Variants in PARD3 observed in about 807,000 individuals in gnomAD.
PARD3 encodes the protein partitioning defective 3 homolog.
PARD3 carries 75 observed loss-of-function variants against 155.4 expected under a neutral mutation model. The ratio of observed to expected loss-of-function variants is 0.48; its 90% confidence interval spans 0.40 to 0.58. The LOEUF (loss-of-function observed/expected upper bound fraction) is 0.58. Among genes scored for constraint, PARD3 ranks in the 20% least tolerant of loss-of-function variants. PARD3 has a pLI of 0.00. For synonymous variants in PARD3, 576 were observed against 610.5 expected, an observed-to-expected ratio of 0.94 and a Z score of 0.83; for missense variants, 1,642 against 1,721.7, an observed-to-expected ratio of 0.95 and a Z score of 0.82.
chr10:34,218,828 C>T (rs1487670124), intron 22 of PARD3, among the ~76,000 whole-genome samples: 1 of 151,594 alleles, frequency 6.6e-6, no homozygotes. Flanking sequence ...GGATGCAAAA[C>T]CAGAAAGAGG....
intron 22 of PARD3, among the ~76,000 whole-genome samples, chr10:34,151,222 T>C (rs1295168015): frequency 6.6e-6 from 1 of 152,028 alleles, no homozygotes; most frequent in Non-Finnish European, 1.5e-5. Context: ...CTGTGCAGGA[T>C]TTAGAAGTAA....
chr10:34,168,971 T>C (rs1331898601), intron 22 of PARD3, among the ~76,000 whole-genome samples: 2 of 152,204 alleles, frequency 1.3e-5, no homozygotes, highest in African/African-American at 4.8e-5. Context: ...TGTTGACAAA[T>C]AAAGAGCTCT....
At chr10:34,122,464 A>C (rs577878059) in intron 23 of PARD3, among the ~76,000 whole-genome samples, 1 of 152,356 alleles carries the variant, frequency 6.6e-6, no homozygotes, top group East Asian at 1.9e-4. Flanking sequence ...CATTATCAGC[A>C]TATGGGGTCT....
intron 24 of PARD3, among the ~76,000 whole-genome samples, chr10:34,115,556 T>G (rs1445345378): frequency 6.6e-6 from 1 of 152,154 alleles, no homozygotes; most frequent in Non-Finnish European, 1.5e-5. Flanking sequence ...TATTGTACAT[T>G]TCACAGCTGC....
intron 2 of PARD3, among the ~76,000 whole-genome samples, chr10:34,685,438 A>G (rs1446884895): frequency 6.6e-6 from 1 of 152,226 alleles, no homozygotes; most frequent in Non-Finnish European, 1.5e-5. Context: ...AGCAAAAAAC[A>G]GTACGCTGGT....
At chr10:34,812,433 C>T (rs186594516) in intron 1 of PARD3, among the ~76,000 whole-genome samples, 169 of 152,154 alleles carry the variant, frequency 1.1e-3, no homozygotes, top group African/African-American at 3.6e-3. Flanking sequence ...TTAGGCAATA[C>T]GGATAAGGAA....
intron 21 of PARD3, among the ~76,000 whole-genome samples, chr10:34,278,222 A>AT (rs935189471): frequency 4.0e-4 from 61 of 150,986 alleles, no homozygotes; most frequent in African/African-American, 1.4e-3. Context: ...AATTAAAAAA[A>AT]ATATTTTTAG....
intron 22 of PARD3, among the ~76,000 whole-genome samples, chr10:34,142,506 G>C (rs926348679): frequency 7.9e-5 from 12 of 151,800 alleles, no homozygotes; most frequent in African/African-American, 2.9e-4. Context: ...CTGCACTCTA[G>C]CCTGGGTGAA....
chr10:34,254,843 G>A (rs947902741), intron 22 of PARD3, among the ~76,000 whole-genome samples: 10 of 152,076 alleles, frequency 6.6e-5, no homozygotes, highest in Non-Finnish European at 1.3e-4. Flanking sequence ...GTGGGGAAGT[G>A]AGTAATCAGT....
chr10:34,637,194 T>C (rs1442227213), intron 2 of PARD3, among the ~76,000 whole-genome samples: 1 of 152,254 alleles, frequency 6.6e-6, no homozygotes, highest in East Asian at 1.9e-4. Context: ...GAGCCCAGTT[T>C]TGTGCAAGAT....
chr10:34,768,084 A>G (rs1329510777), intron 1 of PARD3, among the ~76,000 whole-genome samples: 2 of 152,184 alleles, frequency 1.3e-5, no homozygotes, highest in Non-Finnish European at 2.9e-5. Flanking sequence ...TCCTCACTTA[A>G]CTAGACTTCA....
chr10:34,435,520 A>G (rs886582106), intron 5 of PARD3, among the ~76,000 whole-genome samples: 10 of 152,248 alleles, frequency 6.6e-5, no homozygotes, highest in Non-Finnish European at 1.5e-4. Context: ...GAAAGGTTAC[A>G]AATGAGACAC....
chr10:34,497,435 C>T (rs1470695580), intron 3 of PARD3, among the ~76,000 whole-genome samples: 2 of 152,126 alleles, frequency 1.3e-5, no homozygotes, highest in Non-Finnish European at 2.9e-5. Flanking sequence ...TGAGCATCTT[C>T]AGATTTTGGT....
intron 2 of PARD3, among the ~76,000 whole-genome samples, chr10:34,624,066 C>T (rs563562439): frequency 3.3e-5 from 5 of 152,156 alleles, no homozygotes; most frequent in African/African-American, 1.2e-4. Flanking sequence ...AGGAACAACA[C>T]GTGATTGTGT....
chr10:34,326,036 G>T (rs972100800), intron 19 of PARD3, among the ~76,000 whole-genome samples: 1 of 151,378 alleles, frequency 6.6e-6, no homozygotes, highest in African/African-American at 2.4e-5. Context: ...TAGGAGAATT[G>T]CGTGAACCAG....
chr10:34,486,725 G>A (rs1433325986), intron 3 of PARD3, among the ~76,000 whole-genome samples: 2 of 152,202 alleles, frequency 1.3e-5, no homozygotes, highest in African/African-American at 4.8e-5. Context: ...GGTAGGATCT[G>A]AAATTCTGCA....
intron 22 of PARD3, 130 bp downstream of exon 22, chr10:34,269,527 A>T: frequency 5.2e-6 from 5 of 964,554 alleles, no homozygotes; most frequent in Admixed American, 2.5e-5. Context: ...ACTTTTAGAC[A>T]CAACAGCTTT....
At chr10:34,724,132 A>G (rs2133757006) in intron 1 of PARD3, among the ~76,000 whole-genome samples, 1 of 152,326 alleles carries the variant, frequency 6.6e-6, no homozygotes, top group African/African-American at 2.4e-5. Context: ...CCAAAATTCA[A>G]ATAAACTCAG....
At chr10:34,150,176 C>T (rs611037) in intron 22 of PARD3, among the ~76,000 whole-genome samples, 2,076 of 152,232 alleles carry the variant, frequency 0.014, 45 homozygotes, top group African/African-American at 0.047. Flanking sequence ...AGATGAGATA[C>T]AAGTAAACAT....
Sources: allele counts gnomAD v4.1 joint callset (sites outside exome capture counted in the v4.1 genomes callset), GRCh38; gene constraint gnomAD v4.1.1; transcripts MANE v1.5; gene names NCBI Gene and HGNC (gene_info 2026-07-23, HGNC 2026-07-21).